The following MCHR2 variants were observed in gnomAD, a reference collection of about 807,000 sequenced individuals.
The protein encoded by MCHR2 is melanin concentrating hormone receptor 2, also known as melanin-concentrating hormone receptor 2.
A neutral mutation model predicts 24.8 loss-of-function variants in MCHR2; 15 were observed. The observed-to-expected ratio is 0.60, with a 90% CI of 0.40 to 0.93. The LOEUF is 0.93. MCHR2 is among the 40% of genes least tolerant of loss of function. The probability of loss-of-function intolerance (pLI) is 0.00; values close to 1 mark genes in which losing one functional copy is unlikely to be tolerated. For missense variants in MCHR2, 386 were observed against 408.7 expected (o/e 0.94, Z 0.48); for synonymous variants, 151 against 147.6 (o/e 1.02, Z -0.17).
chr6:99,937,075 A>C (rs1019477079), intron 4 of MCHR2, among the ~76,000 whole-genome samples: 1 of 151,916 alleles, frequency 6.6e-6, no homozygotes, highest in Non-Finnish European at 1.5e-5. Flanking sequence ...CTGTGACTTT[A>C]CTGAATTCAT....
chr6:99,961,628 T>G (rs1775190606), intron 1 of MCHR2, among the ~76,000 whole-genome samples: 1 of 152,158 alleles, frequency 6.6e-6, no homozygotes, highest in South Asian at 2.1e-4. Context: ...ACACTGCATG[T>G]TCTCACTGAT....
rs199939488 is a variant in MCHR2 at position 99,934,206 on chromosome 6, G to A, written c.707+192C>T. ...CATTACATCTGTGATTTCAACACTC[G>A]TCACTGAGAGATTCTTAAGCAGTTT... On this transcript the variant is annotated intron_variant, in intron 5 of 5. Coordinates refer to ENST00000281806, the MANE Select transcript of MCHR2 (RefSeq NM_001040179.2). Among the ~76,000 whole-genome samples, 27 of 152,018 alleles carry A rather than the reference G, an allele frequency of 1.8e-4. 2 individuals carry two copies. In the East Asian group the frequency reaches 2.5e-3, roughly 14 times the overall value.
intron 1 of MCHR2, among the ~76,000 whole-genome samples, chr6:99,957,664 C>T (rs935843699): frequency 1.3e-5 from 2 of 151,928 alleles, no homozygotes; most frequent in Admixed American, 6.6e-5. Flanking sequence ...AGTAAGTTTG[C>T]TGGATATAAA....
At chr6:99,949,919 T>TAAA (rs34593647) in intron 2 of MCHR2, among the ~76,000 whole-genome samples, 15 of 146,266 alleles carry the variant, frequency 1.0e-4, no homozygotes, top group Admixed American at 2.1e-4. Flanking sequence ...AGCTCCAAAC[T>TAAA]AAAAAAAAAA....
chr6:99,987,546 A>C (rs1380611911), intron 1 of MCHR2, among the ~76,000 whole-genome samples: 1 of 152,190 alleles, frequency 6.6e-6, no homozygotes, highest in Non-Finnish European at 1.5e-5. Context: ...AACTATACAA[A>C]AATTAGATAA....
At chr6:99,959,582 C>A in intron 1 of MCHR2, among the ~76,000 whole-genome samples, 1 of 146,558 alleles carries the variant, frequency 6.8e-6, no homozygotes, top group Middle Eastern at 3.2e-3. Flanking sequence ...TCAAAATAAC[C>A]ACCATAAAGG....
intron 1 of MCHR2, among the ~76,000 whole-genome samples, chr6:99,963,920 T>C: frequency 6.6e-6 from 1 of 152,076 alleles, no homozygotes; most frequent in East Asian, 1.9e-4. Flanking sequence ...ATAAACTATC[T>C]ATACAAACCT....
At chr6:99,981,964 G>T (rs1035950544) in intron 1 of MCHR2, among the ~76,000 whole-genome samples, 1 of 152,128 alleles carries the variant, frequency 6.6e-6, no homozygotes, top group African/African-American at 2.4e-5. Flanking sequence ...CACAATGCTT[G>T]TTGACTGAGG....
chr6:99,969,261 G>A (rs1489712629), intron 1 of MCHR2, among the ~76,000 whole-genome samples: 2 of 151,952 alleles, frequency 1.3e-5, no homozygotes, highest in Non-Finnish European at 2.9e-5. Flanking sequence ...GGATCACGAT[G>A]TTAGGAGTTC....
At chr6:99,929,405 G>T (rs1385341674) in intron 5 of MCHR2, among the ~76,000 whole-genome samples, 5 of 152,090 alleles carry the variant, frequency 3.3e-5, no homozygotes, top group African/African-American at 1.2e-4. Flanking sequence ...TTAACTTTCT[G>T]TCTCATTGAT....
At chr6:99,992,976 C>A (rs1161127410) in intron 1 of MCHR2, among the ~76,000 whole-genome samples, 1 of 151,890 alleles carries the variant, frequency 6.6e-6, no homozygotes, top group Non-Finnish European at 1.5e-5. Context: ...TAGAAAAATG[C>A]ATTATTAAGA....
chr6:99,930,297 G>A (rs1158545573), intron 5 of MCHR2, among the ~76,000 whole-genome samples: 1 of 152,072 alleles, frequency 6.6e-6, no homozygotes, highest in East Asian at 1.9e-4. Context: ...CAACTTTGGT[G>A]AATCTGACTA....
chr6:99,932,058 G>A (rs1774556582), intron 5 of MCHR2, among the ~76,000 whole-genome samples: 1 of 152,130 alleles, frequency 6.6e-6, no homozygotes, highest in Non-Finnish European at 1.5e-5. Flanking sequence ...TAGTGTTGAT[G>A]AAATTCCTCA....
At chr6:99,985,052 T>C (rs1450204442) in intron 1 of MCHR2, among the ~76,000 whole-genome samples, 1 of 151,928 alleles carries the variant, frequency 6.6e-6, no homozygotes, top group Non-Finnish European at 1.5e-5. Context: ...GGGAACCAAA[T>C]CAAGAACTCA....
chr6:99,925,754 A>G (rs1265385616), intron 5 of MCHR2, among the ~76,000 whole-genome samples: 5 of 150,886 alleles, frequency 3.3e-5, no homozygotes, highest in African/African-American at 1.2e-4. Flanking sequence ...ATCTTATTGT[A>G]TTATCTATGT....
rs201607907 is a variant in MCHR2 at position 99,943,043 on chromosome 6, C to A, written c.493G>T (p.Ala165Ser). 253 of 1,612,988 alleles carry A rather than the reference C, an allele frequency of 1.6e-4. No individual in the cohort carries two copies. Among genetic ancestry groups the A allele is most frequent in the Non-Finnish European group, 2.0e-4 (240 of 1,179,378 alleles). Reference sequence around the variant, plus strand: ...TTCGAGTAGACCCAGACAGGCAATGCCAGGATAAAGGAAGCTGCCCAAAGG... The same window carrying A: ...TTCGAGTAGACCCAGACAGGCAATGACAGGATAAAGGAAGCTGCCCAAAGG... ...LGLWAASFIL[A>S]LPVWVYSKVI... is the part of the protein sequence containing the mutation. The change falls in exon 4 of 6, where the codon GCA (alanine) becomes TCA (serine). Residue 165 changes from alanine (A) to serine (S), a missense_variant. Ala to Ser is a moderately conservative substitution (Grantham distance 99, BLOSUM62 1). Transcript: ENST00000281806.
At chr6:99,952,311 T>TA (rs1215426841) in intron 2 of MCHR2, among the ~76,000 whole-genome samples, 1 of 152,100 alleles carries the variant, frequency 6.6e-6, no homozygotes, top group East Asian at 1.9e-4. Flanking sequence ...TTCTTGCTTT[T>TA]AAAAAAAGGC....
intron 1 of MCHR2, among the ~76,000 whole-genome samples, chr6:99,972,010 G>T (rs1392121930): frequency 4.6e-5 from 7 of 152,226 alleles, no homozygotes; most frequent in East Asian, 3.8e-4. Flanking sequence ...AAGGATATTG[G>T]TCTAAAATTC....
chr6:99,981,718 G>T (rs1300691360), intron 1 of MCHR2, among the ~76,000 whole-genome samples: 1 of 152,140 alleles, frequency 6.6e-6, no homozygotes, highest in African/African-American at 2.4e-5. Flanking sequence ...TCATATCTGT[G>T]CTTTCTCTCA....
Sources: allele counts gnomAD v4.1 joint callset (sites outside exome capture counted in the v4.1 genomes callset), GRCh38; gene constraint gnomAD v4.1.1; transcripts MANE v1.5; gene names NCBI Gene and HGNC (gene_info 2026-07-23, HGNC 2026-07-21).